Variants in NEK7 observed in about 807,000 individuals in gnomAD.
NEK7 encodes the protein NIMA related kinase 7.
NEK7 carries 18 observed loss-of-function variants against 44.6 expected under a neutral mutation model. The ratio of observed to expected loss-of-function variants is 0.40; its 90% CI spans 0.28 to 0.60. The LOEUF (loss-of-function observed/expected upper bound fraction) is 0.60, where lower values mean the gene tolerates loss of function less well. Among genes scored for constraint, NEK7 ranks in the 20% least tolerant of loss-of-function variants. NEK7 has a pLI of 0.38. For missense variants in NEK7, 256 were observed against 366.5 expected (o/e 0.70, Z 2.46); for synonymous variants, 130 against 121.1 (o/e 1.07, Z -0.48).
intron 8 of NEK7, among the ~76,000 whole-genome samples, chr1:198,295,508 T>C (rs1173966194): frequency 2.0e-5 from 3 of 151,962 alleles, no homozygotes; most frequent in African/African-American, 7.3e-5. Context: ...ATGAACCAGA[T>C]GAATAGTGCA....
At chr1:198,227,950 AT>A (rs1666276605) in intron 1 of NEK7, among the ~76,000 whole-genome samples, 2 of 152,264 alleles carry the variant, frequency 1.3e-5, no homozygotes, top group South Asian at 4.1e-4. Context: ...GCCCATGCCT[AT>A]GTCCTGAATG....
intron 9 of NEK7, among the ~76,000 whole-genome samples, chr1:198,302,599 A>G (rs1654922262): frequency 6.6e-6 from 1 of 152,220 alleles, no homozygotes; most frequent in Admixed American, 6.5e-5. Context: ...TTGATTATGT[A>G]TGAATAACAA....
intron 1 of NEK7, among the ~76,000 whole-genome samples, chr1:198,160,484 G>T (rs922102594): frequency 2.0e-5 from 3 of 152,134 alleles, no homozygotes; most frequent in Non-Finnish European, 4.4e-5. Context: ...GGAAAACTAC[G>T]AGGGTAGGTA....
intron 8 of NEK7, among the ~76,000 whole-genome samples, chr1:198,295,407 G>C (rs1654684809): frequency 6.6e-6 from 1 of 152,086 alleles, no homozygotes; most frequent in Non-Finnish European, 1.5e-5. Context: ...TCTAGCGATC[G>C]TCTCAGTGTG....
At chr1:198,203,176 T>C (rs1310446377) in intron 1 of NEK7, among the ~76,000 whole-genome samples, 1 of 152,194 alleles carries the variant, frequency 6.6e-6, no homozygotes, top group African/African-American at 2.4e-5. Flanking sequence ...ATAGATGATA[T>C]GTCACAAGCC....
chr1:198,224,072 T>C (rs1666144878), intron 1 of NEK7, among the ~76,000 whole-genome samples: 1 of 152,150 alleles, frequency 6.6e-6, no homozygotes, highest in East Asian at 1.9e-4. Flanking sequence ...TGATATGAAA[T>C]GGTTATTGAA....
intron 8 of NEK7, 140 bp from the exon 9 acceptor site, chr1:198,296,987 A>T (rs1654734555): frequency 3.7e-6 from 2 of 544,594 alleles, no homozygotes; most frequent in Non-Finnish European, 6.3e-6. Context: ...TCAGAAGGGG[A>T]TATTCATAAA....
At chr1:198,203,905 A>G (rs1157611561) in intron 1 of NEK7, among the ~76,000 whole-genome samples, 1 of 151,276 alleles carries the variant, frequency 6.6e-6, no homozygotes, top group East Asian at 1.9e-4. Context: ...ATATTTTTTC[A>G]TAGATCCTTT....
At chr1:198,215,312 T>C (rs1665887261) in intron 1 of NEK7, among the ~76,000 whole-genome samples, 1 of 152,170 alleles carries the variant, frequency 6.6e-6, no homozygotes, top group African/African-American at 2.4e-5. Context: ...ACTGGAACAG[T>C]ACCTCACATC....
At chr1:198,248,644 C>A (rs1018227605) in intron 2 of NEK7, among the ~76,000 whole-genome samples, 6 of 152,112 alleles carry the variant, frequency 3.9e-5, no homozygotes, top group Admixed American at 1.3e-4. Context: ...ATATTCTTTG[C>A]AGAAGTTAAA....
At chr1:198,295,589 C>T (rs1042800881) in intron 8 of NEK7, among the ~76,000 whole-genome samples, 1 of 151,042 alleles carries the variant, frequency 6.6e-6, no homozygotes, top group Non-Finnish European at 1.5e-5. Context: ...TGAAAATATA[C>T]TATTCCTGTT....
At chr1:198,293,209 A>T (rs1023590892) in intron 8 of NEK7, among the ~76,000 whole-genome samples, 170 bp downstream of exon 8, 1 of 151,954 alleles carries the variant, frequency 6.6e-6, no homozygotes, top group Non-Finnish European at 1.5e-5. Context: ...ATAACTATAC[A>T]TTCCTACACA....
rs547134083 is a variant in NEK7 at position 198,194,280 on chromosome 1, T to G, written c.-29+37004T>G. Among the ~76,000 whole-genome samples the G allele has an allele frequency of 1.2e-4, 18 of 151,986 alleles. No homozygotes were observed. In the East Asian group the frequency reaches 3.5e-3, roughly 29 times the overall value. On this transcript the variant is annotated intron_variant, in intron 1 of 9. Transcript: ENST00000367385. ...TTTGTCTTCTGGAATTTCTAGCTTT[T>G]TGCATTTTCTTTTTCTTTCTTTTTT...
chr1:198,281,710 T>C (rs1490145590), intron 7 of NEK7, among the ~76,000 whole-genome samples: 1 of 152,114 alleles, frequency 6.6e-6, no homozygotes, highest in Admixed American at 6.6e-5. Flanking sequence ...TTTAATTCAT[T>C]AATAGGATCG....
chr1:198,215,752 A>G (rs941857106), intron 1 of NEK7, among the ~76,000 whole-genome samples: 2 of 152,160 alleles, frequency 1.3e-5, no homozygotes, highest in Non-Finnish European at 2.9e-5. Context: ...GCGAGCAGGA[A>G]TAGTTATTCT....
chr1:198,309,340 G>A (rs1193166355), intron 9 of NEK7, among the ~76,000 whole-genome samples: 1 of 152,012 alleles, frequency 6.6e-6, no homozygotes, highest in Non-Finnish European at 1.5e-5. Context: ...TGGGGTGGGG[G>A]AAGGGAGAAG....
intron 5 of NEK7, among the ~76,000 whole-genome samples, chr1:198,275,244 AGGTATATCT>A (rs767029149): frequency 2.8e-4 from 42 of 151,160 alleles, no homozygotes; most frequent in Non-Finnish European, 5.2e-4. Context: ...CCAAGTGATC[AGGTATATCT>A]GGGTGTTTAT....
intron 1 of NEK7, among the ~76,000 whole-genome samples, chr1:198,169,869 G>A (rs1664384271): frequency 6.6e-6 from 1 of 152,162 alleles, no homozygotes; most frequent in African/African-American, 2.4e-5. Context: ...ATCATGTCCT[G>A]TACAGATCTG....
At chr1:198,313,139 T>G (rs1351202933) in intron 9 of NEK7, among the ~76,000 whole-genome samples, 1 of 152,240 alleles carries the variant, frequency 6.6e-6, no homozygotes, top group Non-Finnish European at 1.5e-5. Context: ...TGGGTGCATA[T>G]ATATTTGGAA....
Sources: gnomAD v4.1 joint callset for allele counts (sites outside exome capture counted in the v4.1 genomes callset) on GRCh38, gnomAD v4.1.1 for gene constraint, MANE v1.5 for transcripts, NCBI Gene and HGNC (gene_info 2026-07-23, HGNC 2026-07-21) for gene names.